RBFOX1: variants seen among roughly 807,000 people sequenced by gnomAD.
RBFOX1 encodes RNA binding protein fox-1 homolog 1.
Under a neutral mutation model 57.7 loss-of-function variants are expected in RBFOX1, and 8 were observed. The ratio of observed to expected loss-of-function variants is 0.14; its 90% CI spans 0.08 to 0.25. The LOEUF is 0.25. Among genes scored for constraint, RBFOX1 ranks in the 10% least tolerant of loss-of-function variants. The pLI, the probability that RBFOX1 is intolerant of heterozygous loss-of-function variation, is 1.00. For missense variants in RBFOX1, 611 were observed against 548.5 expected, an observed-to-expected ratio of 1.11 and a Z score of -1.14; for synonymous variants, 326 against 222.4, an observed-to-expected ratio of 1.47 and a Z score of -4.15.
intron 4 of RBFOX1, among the ~76,000 whole-genome samples, chr16:7,438,760 C>A (rs191738268): frequency 7.9e-5 from 12 of 152,324 alleles, no homozygotes; most frequent in African/African-American, 2.6e-4. Context: ...TCCCTTTGCA[C>A]CACAGTGAGC....
At chr16:6,894,884 T>A (rs2066380190) in intron 3 of RBFOX1, among the ~76,000 whole-genome samples, 1 of 152,198 alleles carries the variant, frequency 6.6e-6, no homozygotes, top group Non-Finnish European at 1.5e-5. Context: ...GGATGTTTCA[T>A]AAGTAGCATG....
chr16:5,643,346 C>T (rs1044241203), intron 3 of RBFOX1, among the ~76,000 whole-genome samples: 6 of 152,146 alleles, frequency 3.9e-5, no homozygotes, highest in African/African-American at 1.4e-4. Context: ...CCTCTGGGCA[C>T]CCAGGAAGGT....
intron 4 of RBFOX1, among the ~76,000 whole-genome samples, chr16:7,238,791 C>G (rs576174123): frequency 1.3e-5 from 2 of 152,330 alleles, no homozygotes; most frequent in African/African-American, 4.8e-5. Context: ...TGTCCCTCCC[C>G]TGACCTCCAC....
chr16:6,457,700 G>A (rs960005516), intron 2 of RBFOX1, among the ~76,000 whole-genome samples: 22 of 152,130 alleles, frequency 1.4e-4, no homozygotes, highest in Admixed American at 1.1e-3. Context: ...AGTAGGTGCT[G>A]GTATCTGCTA....
intron 2 of RBFOX1, among the ~76,000 whole-genome samples, chr16:5,537,457 A>G (rs181316466): frequency 9.3e-4 from 142 of 152,370 alleles, no homozygotes; most frequent in African/African-American, 3.1e-3. Context: ...GACATCTGGC[A>G]TGGGTCTTAC....
At chr16:5,321,762 G>A (rs558814336) in intron 1 of RBFOX1, among the ~76,000 whole-genome samples, 2 of 152,244 alleles carry the variant, frequency 1.3e-5, no homozygotes, top group Non-Finnish European at 2.9e-5. Context: ...AACCTGGATT[G>A]CTGGCAACAG....
chr16:5,269,957 C>A (rs921881535), intron 1 of RBFOX1, among the ~76,000 whole-genome samples: 2 of 152,014 alleles, frequency 1.3e-5, no homozygotes, highest in Admixed American at 1.3e-4. Flanking sequence ...GAGTTCCAGG[C>A]CAGCGTTGGC....
At chr16:5,607,563 G>A (rs951040260) in intron 3 of RBFOX1, among the ~76,000 whole-genome samples, 1 of 152,164 alleles carries the variant, frequency 6.6e-6, no homozygotes, top group African/African-American at 2.4e-5. Context: ...GGGAGTGAAG[G>A]TCTTTTCTCC....
chr16:6,929,445 A>T (rs1166753894), intron 3 of RBFOX1, among the ~76,000 whole-genome samples: 1 of 152,150 alleles, frequency 6.6e-6, no homozygotes, highest in Non-Finnish European at 1.5e-5. Context: ...TCCCTGGTAT[A>T]TATCAGAAGC....
At chr16:6,656,143 G>C (rs1311239541) in intron 3 of RBFOX1, among the ~76,000 whole-genome samples, 1 of 152,134 alleles carries the variant, frequency 6.6e-6, no homozygotes, top group East Asian at 1.9e-4. Context: ...TTGCTGCTTA[G>C]GTGAAGCGTG....
intron 1 of RBFOX1, among the ~76,000 whole-genome samples, chr16:6,150,112 C>T (rs2096787243): frequency 6.6e-6 from 1 of 152,074 alleles, no homozygotes; most frequent in Non-Finnish European, 1.5e-5. Context: ...GGCTTTTGGT[C>T]ATAGGAAATT....
At chr16:7,091,566 C>A (rs1325684942) in intron 4 of RBFOX1, among the ~76,000 whole-genome samples, 2 of 151,786 alleles carry the variant, frequency 1.3e-5, no homozygotes, top group Non-Finnish European at 2.9e-5. Context: ...ATCATTTTTT[C>A]TACAGGATCC....
intron 1 of RBFOX1, among the ~76,000 whole-genome samples, chr16:6,106,049 A>G (rs191800738): frequency 2.3e-3 from 346 of 152,022 alleles, no homozygotes; most frequent in Non-Finnish European, 4.3e-3. Context: ...GTAAGTAGAG[A>G]TGGCTGAGCA....
At chr16:7,240,835 T>A (rs923966775) in intron 4 of RBFOX1, among the ~76,000 whole-genome samples, 5 of 152,164 alleles carry the variant, frequency 3.3e-5, no homozygotes, top group Non-Finnish European at 5.9e-5. Context: ...CTTCCAAAGT[T>A]CTAGGATTAC....
rs73524661 is a variant in RBFOX1, at chr16:6,486,679, A to C, written c.-63-167924A>C. Among the ~76,000 whole-genome samples, 980 of 147,650 alleles carry C rather than the reference A, an allele frequency of 6.6e-3. 17 individuals carry two copies. The highest frequency in any genetic ancestry group is 0.023 in the African/African-American group (931 of 40,802). The stretch of plus-strand genomic sequence containing the variant: ...TTATTATTTTTTTTTTTGGCATTTT[A>C]GACTTTACTTTGTTATGGATCCAAA... On this transcript the variant is annotated intron_variant, in intron 2 of 15. Coordinates refer to ENST00000550418, the MANE Select transcript of RBFOX1 (RefSeq NM_018723.4).
upstream of RBFOX1, among the ~76,000 whole-genome samples, chr16:6,017,195 T>C (rs961919830): frequency 2.6e-5 from 4 of 152,244 alleles, no homozygotes; most frequent in Non-Finnish European, 5.9e-5. Flanking sequence ...CCTTGAATGA[T>C]TGCATTCATT....
intron 2 of RBFOX1, among the ~76,000 whole-genome samples, chr16:6,409,343 G>A (rs932415093): frequency 1.2e-4 from 18 of 152,194 alleles, no homozygotes; most frequent in African/African-American, 4.3e-4. Flanking sequence ...GAACCTGGGA[G>A]GCGGATGTTG....
At chr16:7,373,209 A>G (rs1200679297) in intron 4 of RBFOX1, among the ~76,000 whole-genome samples, 1 of 152,182 alleles carries the variant, frequency 6.6e-6, no homozygotes, top group Non-Finnish European at 1.5e-5. Flanking sequence ...CTGGGATTAC[A>G]GGTGTGAGCC....
intron 3 of RBFOX1, among the ~76,000 whole-genome samples, chr16:5,760,781 C>G (rs1450143724): frequency 6.6e-6 from 1 of 151,936 alleles, no homozygotes; most frequent in African/African-American, 2.4e-5. Context: ...TTTGCACCAA[C>G]CAAAAAGAAT....
Sources: gnomAD v4.1 joint callset for allele counts (sites outside exome capture counted in the v4.1 genomes callset) on GRCh38, gnomAD v4.1.1 for gene constraint, MANE v1.5 for transcripts, NCBI Gene and HGNC (gene_info 2026-07-23, HGNC 2026-07-21) for gene names.